Variants in BBS9 observed in about 807,000 individuals in gnomAD.
BBS9 encodes the protein protein PTHB1.
BBS9 carries 89 observed loss-of-function variants against 117.7 expected under a neutral mutation model. The observed-to-expected ratio is 0.76, with a 90% CI of 0.64 to 0.90. The LOEUF is 0.90. Ranked by LOEUF, BBS9 falls within the 40% of genes least tolerant of loss-of-function variation. BBS9 has a pLI of 0.00. For missense variants in BBS9, 982 were observed against 1,042.2 expected (o/e 0.94, Z 0.80); for synonymous variants, 379 against 370.9 (o/e 1.02, Z -0.25).
At chr7:33,406,473 C>G (rs1830016505) in intron 19 of BBS9, among the ~76,000 whole-genome samples, 1 of 151,516 alleles carries the variant, frequency 6.6e-6, no homozygotes, top group Non-Finnish European at 1.5e-5. Flanking sequence ...TTGATCCTGT[C>G]ATTATGATGT....
At chr7:33,616,249 A>G (rs1865124707) in intron 21 of BBS9, among the ~76,000 whole-genome samples, 1 of 150,978 alleles carries the variant, frequency 6.6e-6, no homozygotes. Context: ...GAAATGAAAT[A>G]TATATTGAAT....
At chr7:33,439,646 AG>A (rs2128893974) in intron 19 of BBS9, among the ~76,000 whole-genome samples, 2 of 149,724 alleles carry the variant, frequency 1.3e-5, no homozygotes, top group South Asian at 4.2e-4. Flanking sequence ...CTCCTGCCTC[AG>A]CTTCCCAAGT....
intron 19 of BBS9, among the ~76,000 whole-genome samples, chr7:33,447,175 A>T (rs1319362732): frequency 6.6e-6 from 1 of 152,232 alleles, no homozygotes; most frequent in Non-Finnish European, 1.5e-5. Context: ...AGAAGAAACA[A>T]ACCAGAATAT....
intron 21 of BBS9, among the ~76,000 whole-genome samples, chr7:33,558,349 G>C (rs1855595301): frequency 6.6e-6 from 1 of 152,122 alleles, no homozygotes; most frequent in Non-Finnish European, 1.5e-5. Context: ...TTACTGAGGT[G>C]GGGGCACGTG....
chr7:33,568,538 T>C (rs1857271122), intron 21 of BBS9, among the ~76,000 whole-genome samples: 1 of 152,224 alleles, frequency 6.6e-6, no homozygotes, highest in South Asian at 2.1e-4. Context: ...TGTTAGTAGT[T>C]CCTGGAACAT....
At position 33,630,955 on chromosome 7, in the gene BBS9, G is replaced by A. The variant is rs531179421; in HGVS notation, c.2522-4222G>A. Among the ~76,000 whole-genome samples, 13 of 152,306 alleles carry A rather than the reference G, an allele frequency of 8.5e-5. No homozygotes were observed. In the South Asian group the frequency reaches 2.7e-3, roughly 32 times the overall value. On this transcript the variant is annotated intron_variant, in intron 21 of 21. Coordinates refer to the BBS9 transcript ENST00000671952. Reference sequence around the variant, plus strand: ...CCCTCATGGGATTACAGCCAAGTGGGGGGAAATAGACTTTACTCAATGAAT... The same window carrying A: ...CCCTCATGGGATTACAGCCAAGTGGAGGGAAATAGACTTTACTCAATGAAT...
chr7:33,140,004 T>G (rs553308172), intron 1 of BBS9, among the ~76,000 whole-genome samples: 1 of 152,212 alleles, frequency 6.6e-6, no homozygotes, highest in African/African-American at 2.4e-5. Context: ...AATGCCCCTG[T>G]TAAGCTTCTG....
At chr7:33,479,268 A>T (rs777824474) in intron 19 of BBS9, among the ~76,000 whole-genome samples, 10 of 152,008 alleles carry the variant, frequency 6.6e-5, no homozygotes, top group Non-Finnish European at 7.4e-5. Flanking sequence ...TTAGTAGTCC[A>T]CAGTATCTAT....
rs187214619 is a variant in BBS9, at chr7:33,592,436, A to G, written c.2522-12429A>G. Reference sequence around the variant, plus strand: ...TTCAGAGTGTCCCTTTCTATGATCAATGGTTTAGTTTGCCACTCTGTGTGT... The same window carrying G: ...TTCAGAGTGTCCCTTTCTATGATCAGTGGTTTAGTTTGCCACTCTGTGTGT... On this transcript the variant is annotated intron_variant, in intron 21 of 22. Coordinates refer to ENST00000242067, the MANE Select transcript of BBS9 (RefSeq NM_198428.3). Among the ~76,000 whole-genome samples the G allele has an allele frequency of 1.8e-3, 272 of 152,202 alleles. 1 individual carries two copies. The highest frequency in any genetic ancestry group is 6.2e-3 in the African/African-American group (258 of 41,546).
At chr7:33,585,851 C>T (rs1159143815) in intron 21 of BBS9, among the ~76,000 whole-genome samples, 3 of 151,916 alleles carry the variant, frequency 2.0e-5, no homozygotes, top group Admixed American at 6.6e-5. Flanking sequence ...TTCTGTGTTT[C>T]TCTCACTACT....
At chr7:33,215,573 A>G (rs1788890891) in intron 5 of BBS9, among the ~76,000 whole-genome samples, 1 of 152,208 alleles carries the variant, frequency 6.6e-6, no homozygotes, top group African/African-American at 2.4e-5. Context: ...AAAACACTGG[A>G]GAAACATTTT....
At position 33,135,667 on chromosome 7, in the gene BBS9, C is replaced by A. The variant is rs1008573357; in HGVS notation, c.-12+5626C>A. ...AGATTGTTTTTGCTATTCTGGGTCC[C>A]TGGAAATTCCATACAAATTTTAGAA... On this transcript the variant is annotated intron_variant, in intron 1 of 22. Transcript: ENST00000242067. 2.6e-5 allele frequency among the ~76,000 whole-genome samples: 4 copies of A among 152,128 alleles called. No individual in the cohort carries two copies. The East Asian group carries it at 7.7e-4, about 29-fold the overall frequency.
intron 2 of BBS9, among the ~76,000 whole-genome samples, chr7:33,148,055 AT>A (rs1322487309): frequency 6.6e-6 from 1 of 152,170 alleles, no homozygotes; most frequent in Non-Finnish European, 1.5e-5. Context: ...AGGTTTCCTA[AT>A]TTTTGATAAG....
intron 5 of BBS9, among the ~76,000 whole-genome samples, chr7:33,182,036 G>A (rs1014781389): frequency 4.6e-5 from 7 of 152,122 alleles, no homozygotes; most frequent in African/African-American, 7.2e-5. Flanking sequence ...GCAGTGAGCC[G>A]AGATCGCACC....
At chr7:33,614,935 C>T (rs1865056695) in intron 21 of BBS9, among the ~76,000 whole-genome samples, 1 of 152,034 alleles carries the variant, frequency 6.6e-6, no homozygotes, top group South Asian at 2.1e-4. Flanking sequence ...GGAGTTTTAA[C>T]AGAGCCTAAC....
At chr7:33,186,130 CT>C (rs1783091588) in intron 5 of BBS9, among the ~76,000 whole-genome samples, 1 of 152,140 alleles carries the variant, frequency 6.6e-6, no homozygotes, top group Non-Finnish European at 1.5e-5. Flanking sequence ...AAACTTTTAA[CT>C]TTTTTAAAAC....
At chr7:33,206,207 C>G (rs1334676919) in intron 5 of BBS9, among the ~76,000 whole-genome samples, 1 of 152,152 alleles carries the variant, frequency 6.6e-6, no homozygotes, top group East Asian at 1.9e-4. Flanking sequence ...AGATTCATGG[C>G]AGATGATTCA....
chr7:33,286,603 G>T (rs760911420), intron 9 of BBS9, among the ~76,000 whole-genome samples: 1 of 152,118 alleles, frequency 6.6e-6, no homozygotes, highest in African/African-American at 2.4e-5. Flanking sequence ...CTGGGAAATA[G>T]CTCTATTTCC....
At chr7:33,192,918 A>G (rs1784360223) in intron 5 of BBS9, among the ~76,000 whole-genome samples, 1 of 152,230 alleles carries the variant, frequency 6.6e-6, no homozygotes, top group Non-Finnish European at 1.5e-5. Flanking sequence ...TCATTACTTA[A>G]TCACTTCCCA....
Sources: gnomAD v4.1 joint callset for allele counts (sites outside exome capture counted in the v4.1 genomes callset) on GRCh38, gnomAD v4.1.1 for gene constraint, MANE v1.5 for transcripts, NCBI Gene and HGNC (gene_info 2026-07-23, HGNC 2026-07-21) for gene names.